Variants in TSPAN7 observed in about 807,000 individuals in gnomAD.
TSPAN7 encodes tetraspanin 7.
TSPAN7 carries 1 observed loss-of-function variant against 17.6 expected under a neutral mutation model. That is an observed-to-expected ratio of 0.06 (90% CI 0.02 to 0.27). The LOEUF is 0.27. Among genes scored for constraint, TSPAN7 ranks in the 10% least tolerant of loss-of-function variants. The pLI is 1.00. For missense variants in TSPAN7, 112 were observed against 201.7 expected (o/e 0.56, Z 2.69); for synonymous variants, 78 against 79.0 (o/e 0.99, Z 0.07).
intron 1 of TSPAN7, among the ~76,000 whole-genome samples, chrX:38,565,808 T>C (rs1378522491): frequency 8.9e-6 from 1 of 111,751 alleles, no homozygotes. Context: ...CTCTGAGGTG[T>C]TTCTCTAAAG....
chrX:38,621,703 T>C (rs2069489405), intron 1 of TSPAN7, among the ~76,000 whole-genome samples: 1 of 97,074 alleles, frequency 1.0e-5, no homozygotes, highest in Non-Finnish European at 2.0e-5. Context: ...TATTCCTTTG[T>C]ATCTTTTAAA....
At chrX:38,621,926 A>C (rs1392504090) in intron 1 of TSPAN7, among the ~76,000 whole-genome samples, 1 of 112,470 alleles carries the variant, frequency 8.9e-6, no homozygotes, top group East Asian at 2.8e-4. Context: ...CAGATGCAGA[A>C]TTTTAATCCA....
chrX:38,679,682 C>G (rs1377854673), intron 5 of TSPAN7, among the ~76,000 whole-genome samples: 1 of 106,527 alleles, frequency 9.4e-6, no homozygotes, highest in Non-Finnish European at 1.9e-5. Context: ...CACCTGTAAT[C>G]CCAGCTACAG....
intron 1 of TSPAN7, among the ~76,000 whole-genome samples, chrX:38,586,088 C>T (rs2069257505): frequency 8.9e-6 from 1 of 112,711 alleles, no homozygotes; most frequent in South Asian, 3.6e-4. Flanking sequence ...TTCTCTGAAT[C>T]TTGCAGCTTA....
chrX:38,565,077 G>T (rs1297424923), intron 1 of TSPAN7, among the ~76,000 whole-genome samples: 1 of 111,734 alleles, frequency 8.9e-6, no homozygotes, highest in Non-Finnish European at 1.9e-5. Flanking sequence ...ATGTTTATAA[G>T]AATTATCTCT....
At chrX:38,680,539 T>TTCTC (rs61619425) in intron 5 of TSPAN7, among the ~76,000 whole-genome samples, 3,179 of 75,549 alleles carry the variant, frequency 0.042, 85 homozygotes, top group East Asian at 0.085. Flanking sequence ...TACTTACAAA[T>TTCTC]TCTCTCTCTC....
intron 1 of TSPAN7, among the ~76,000 whole-genome samples, chrX:38,650,143 G>A: frequency 8.9e-6 from 1 of 111,880 alleles, no homozygotes; most frequent in African/African-American, 3.3e-5. Context: ...CTGACTATAG[G>A]GAAGGGTAGC....
At chrX:38,614,544 A>G (rs1045460597) in intron 1 of TSPAN7, among the ~76,000 whole-genome samples, 1 of 112,560 alleles carries the variant, frequency 8.9e-6, no homozygotes, top group Admixed American at 9.4e-5. Context: ...TAAGATCTCT[A>G]TGAGTTAACT....
chrX:38,663,234 A>T (rs2147448221), intron 1 of TSPAN7, among the ~76,000 whole-genome samples: 1 of 111,417 alleles, frequency 9.0e-6, no homozygotes, highest in Admixed American at 9.5e-5. Context: ...AAAGGAATGA[A>T]GTAATGGCAT....
intron 2 of TSPAN7, among the ~76,000 whole-genome samples, chrX:38,668,787 C>G (rs1050443177): frequency 8.9e-6 from 1 of 111,829 alleles, no homozygotes; most frequent in Non-Finnish European, 1.9e-5. Context: ...TGGGTATATA[C>G]CCCGCAGTAG....
rs137974239 is a variant in TSPAN7 at position 38,630,005 on chromosome X, T to C, written c.82-36116T>C. Among the ~76,000 whole-genome samples the C allele has an allele frequency of 3.4e-3, 383 of 112,017 alleles. 3 individuals carry two copies. Among genetic ancestry groups the C allele is most frequent in the African/African-American group, 0.012 (371 of 30,849 alleles). ...TGGCTTCCAGTTTACAATCTTGTAC[T>C]ATGGAAGGTTTAGGATTCTTATGGT... On this transcript the variant is annotated intron_variant, in intron 1 of 7. Coordinates refer to ENST00000378482, the MANE Select transcript of TSPAN7 (RefSeq NM_004615.4).
intron 1 of TSPAN7, among the ~76,000 whole-genome samples, chrX:38,665,130 C>G (rs1159725628): frequency 8.9e-6 from 1 of 112,098 alleles, no homozygotes; most frequent in Non-Finnish European, 1.9e-5. Context: ...TGACTCCTCA[C>G]TTGAGTGAGC....
At chrX:38,687,026 A>G (rs142518616) in intron 6 of TSPAN7, among the ~76,000 whole-genome samples, 4,163 of 111,352 alleles carry the variant, frequency 0.037, 198 homozygotes, top group African/African-American at 0.13. Flanking sequence ...CTACCTTTTC[A>G]TAAGCCTTGG....
intron 1 of TSPAN7, chrX:38,563,241 G>A: frequency 1.7e-6 from 1 of 587,990 alleles, no homozygotes; most frequent in East Asian, 8.8e-5. Flanking sequence ...ACTTTATTTG[G>A]ACTGACAACG....
chrX:38,610,314 C>G (rs55818538), intron 1 of TSPAN7, among the ~76,000 whole-genome samples: 17,966 of 111,421 alleles, frequency 0.16, 1,286 homozygotes, highest in Non-Finnish European at 0.22. Flanking sequence ...CAGTCAAACC[C>G]AGGTAGCCTA....
chrX:38,657,823 C>G (rs909322589), intron 1 of TSPAN7, among the ~76,000 whole-genome samples: 5 of 112,429 alleles, frequency 4.4e-5, no homozygotes, highest in Non-Finnish European at 7.5e-5. Context: ...TATGAAGAGA[C>G]TGTAATAGAC....
At chrX:38,563,243 C>G in intron 1 of TSPAN7, 1 of 589,603 alleles carries the variant, frequency 1.7e-6, no homozygotes, top group Non-Finnish European at 2.3e-6. Context: ...TTTATTTGGA[C>G]TGACAACGAC....
intron 1 of TSPAN7, among the ~76,000 whole-genome samples, chrX:38,619,356 G>A (rs1317592575): frequency 1.8e-5 from 2 of 111,734 alleles, no homozygotes; most frequent in African/African-American, 6.5e-5. Context: ...TTCTTTGCAG[G>A]TGATATTGTT....
At chrX:38,663,454 C>T (rs1204365918) in intron 1 of TSPAN7, among the ~76,000 whole-genome samples, 1 of 112,054 alleles carries the variant, frequency 8.9e-6, no homozygotes, top group African/African-American at 3.2e-5. Flanking sequence ...GTACAGTGTA[C>T]ACTGCTCAGG....
Sources: gnomAD v4.1 joint callset for allele counts (sites outside exome capture counted in the v4.1 genomes callset) on GRCh38, gnomAD v4.1.1 for gene constraint, MANE v1.5 for transcripts, NCBI Gene and HGNC (gene_info 2026-07-23, HGNC 2026-07-21) for gene names.